The following SSBP2 variants were observed in gnomAD, a reference collection of about 807,000 sequenced individuals.
SSBP2 encodes the protein single-stranded DNA-binding protein 2.
A neutral mutation model predicts 61.8 loss-of-function variants in SSBP2; 17 were observed. The ratio of observed to expected loss-of-function variants is 0.28; its 90% CI spans 0.19 to 0.41. The LOEUF (loss-of-function observed/expected upper bound fraction) is 0.41, where lower values mean the gene tolerates loss of function less well. Among genes scored for constraint, SSBP2 ranks in the 10% least tolerant of loss-of-function variants. The pLI is 1.00. For missense variants in SSBP2, 310 were observed against 458.7 expected, an observed-to-expected ratio of 0.68 and a Z score of 2.96; for synonymous variants, 139 against 141.3, an observed-to-expected ratio of 0.98 and a Z score of 0.12.
rs545310855 is a variant in SSBP2, at chr5:81,419,718, G to A, written c.*786C>T. The A allele has an allele frequency of 2.0e-5, 3 of 152,274 alleles. No homozygotes were observed. Among genetic ancestry groups the A allele is most frequent in the African/African-American group, 7.2e-5 (3 of 41,572 alleles). 9.4% of individuals were successfully genotyped at this position (152,274 alleles called of 1,614,324 possible). ...CTAAGACAAACAAATCAAGAACTCC[G>A]TTTAAAGCAGTTATTGCAGAAATAT... is the stretch of plus-strand genomic sequence containing the variant. On this transcript the variant is annotated 3_prime_UTR_variant, in exon 17 of 17. Transcript: ENST00000320672.
intron 4 of SSBP2, among the ~76,000 whole-genome samples, chr5:81,614,229 G>A (rs891669443): frequency 6.6e-6 from 1 of 151,954 alleles, no homozygotes; most frequent in Admixed American, 6.6e-5. Flanking sequence ...GCGTGTTGGC[G>A]GGCGCCTGTA....
chr5:81,512,359 T>C (rs1054154023), intron 5 of SSBP2, among the ~76,000 whole-genome samples: 5 of 152,160 alleles, frequency 3.3e-5, no homozygotes, highest in African/African-American at 1.2e-4. Context: ...ATTTTACATC[T>C]AGGGATATTG....
At chr5:81,552,322 A>G (rs1289131175) in intron 4 of SSBP2, among the ~76,000 whole-genome samples, 1 of 152,196 alleles carries the variant, frequency 6.6e-6, no homozygotes, top group East Asian at 1.9e-4. Context: ...AACTGTATTA[A>G]GAAACCAGAA....
At chr5:81,519,586 G>T (rs1231336716) in intron 4 of SSBP2, among the ~76,000 whole-genome samples, 2 of 152,116 alleles carry the variant, frequency 1.3e-5, no homozygotes, top group African/African-American at 4.8e-5. Context: ...TTAAGATCTT[G>T]TTTGTAATGC....
chr5:81,624,067 C>G (rs1254894642), intron 3 of SSBP2, among the ~76,000 whole-genome samples: 2 of 152,138 alleles, frequency 1.3e-5, no homozygotes, highest in African/African-American at 4.8e-5. Flanking sequence ...CATACATTTA[C>G]AATGTCTATT....
chr5:81,460,772 C>A (rs192173858), intron 10 of SSBP2, among the ~76,000 whole-genome samples: 1 of 152,122 alleles, frequency 6.6e-6, no homozygotes, highest in East Asian at 1.9e-4. Flanking sequence ...TATTTATAGG[C>A]TATTGTAGTA....
chr5:81,574,539 C>G (rs898035492), intron 4 of SSBP2, among the ~76,000 whole-genome samples: 1 of 151,774 alleles, frequency 6.6e-6, no homozygotes, highest in Non-Finnish European at 1.5e-5. Flanking sequence ...TGAAAACTTT[C>G]CAAACTGATT....
At chr5:81,665,011 G>GT (rs1173843887) in intron 1 of SSBP2, among the ~76,000 whole-genome samples, 2 of 152,048 alleles carry the variant, frequency 1.3e-5, no homozygotes, top group African/African-American at 2.4e-5. Context: ...CTCCAGCTTT[G>GT]TTTTTTGCTT....
Position 81,575,167 on chromosome 5 carries a change from C to T in SSBP2, c.282+40306G>A, listed in dbSNP as rs930953314. ...CCTGTAGTCCCAGCTACTCGGGAGG[C>T]TGAGGCAGGAGAATCACTTGAACTC... is the stretch of plus-strand genomic sequence containing the variant. On this transcript the variant is annotated intron_variant, in intron 4 of 16. Transcript: ENST00000320672. Among the ~76,000 whole-genome samples the T allele has an allele frequency of 3.3e-5, 5 of 152,234 alleles. No homozygotes were observed. In the East Asian group the frequency reaches 7.7e-4, roughly 24 times the overall value.
intron 4 of SSBP2, among the ~76,000 whole-genome samples, chr5:81,538,969 G>A (rs2972234): frequency 0.23 from 34,304 of 152,156 alleles, 4,954 homozygotes; most frequent in Middle Eastern, 0.37. Flanking sequence ...GGATCATGGC[G>A]TAACTTTGAC....
chr5:81,730,978 T>C (rs1050005013), intron 1 of SSBP2, among the ~76,000 whole-genome samples: 6 of 152,222 alleles, frequency 3.9e-5, no homozygotes, highest in Non-Finnish European at 8.8e-5. Context: ...AGTGCACAGT[T>C]CAGCAGTGTT....
At chr5:81,600,574 AAAAAAAC>A (rs1744261350) in intron 4 of SSBP2, among the ~76,000 whole-genome samples, 1 of 151,098 alleles carries the variant, frequency 6.6e-6, no homozygotes, top group Non-Finnish European at 1.5e-5. Context: ...AAAAAAAAAA[AAAAAAAC>A]AAAAACCAGA....
intron 9 of SSBP2, among the ~76,000 whole-genome samples, chr5:81,464,861 GC>G (rs1348530427): frequency 6.6e-6 from 1 of 152,020 alleles, no homozygotes; most frequent in Non-Finnish European, 1.5e-5. Flanking sequence ...CTGTGTGTAT[GC>G]ATTACAGTTA....
In SSBP2 at chr5:81,555,701, A is replaced by G. The variant is rs140503669; in HGVS notation, c.283-41984T>C. The stretch of plus-strand genomic sequence containing the variant: ...ACCAGTAAGAAAATAAAAATCAAAT[A>G]TAACAATTGCTGTTAACATTTTATG... On this transcript the variant is annotated intron_variant, in intron 4 of 16. Coordinates refer to ENST00000320672, the MANE Select transcript of SSBP2 (RefSeq NM_012446.5). Among the ~76,000 whole-genome samples, 401 of 152,286 alleles carry G rather than the reference A, an allele frequency of 2.6e-3. 1 individual carries two copies. The highest frequency in any genetic ancestry group is 8.6e-3 in the African/African-American group (357 of 41,588).
At chr5:81,691,416 G>A (rs1753193001) in intron 1 of SSBP2, among the ~76,000 whole-genome samples, 1 of 151,874 alleles carries the variant, frequency 6.6e-6, no homozygotes, top group African/African-American at 2.4e-5. Context: ...GATTATTAGT[G>A]GCTACTATGA....
intron 1 of SSBP2, among the ~76,000 whole-genome samples, chr5:81,742,385 G>GA (rs1022851241): frequency 2.6e-5 from 4 of 152,156 alleles, no homozygotes; most frequent in Non-Finnish European, 5.9e-5. Context: ...GTATTGGGGA[G>GA]AAAATCAGCT....
intron 5 of SSBP2, among the ~76,000 whole-genome samples, chr5:81,496,393 T>G (rs1767280744): frequency 6.6e-6 from 1 of 152,182 alleles, no homozygotes. Flanking sequence ...TTGGCCAGGT[T>G]GGTCTCGAAC....
At chr5:81,605,372 G>A (rs1298407656) in intron 4 of SSBP2, among the ~76,000 whole-genome samples, 2 of 152,004 alleles carry the variant, frequency 1.3e-5, no homozygotes, top group Non-Finnish European at 2.9e-5. Flanking sequence ...GGCTACACAG[G>A]AATCGCAGTT....
At chr5:81,679,408 T>A in intron 1 of SSBP2, among the ~76,000 whole-genome samples, 1 of 152,200 alleles carries the variant, frequency 6.6e-6, no homozygotes, top group East Asian at 1.9e-4. Flanking sequence ...TCCTTATATG[T>A]AAGTAAAATG....
Sources: gnomAD v4.1 joint callset for allele counts (sites outside exome capture counted in the v4.1 genomes callset) on GRCh38, gnomAD v4.1.1 for gene constraint, MANE v1.5 for transcripts, NCBI Gene and HGNC (gene_info 2026-07-23, HGNC 2026-07-21) for gene names.